JAK1: variants seen among roughly 807,000 people sequenced by gnomAD.
JAK1 encodes the protein Janus kinase 1.
In JAK1, 16 loss-of-function variants were observed where a neutral mutation model predicts 136.6. That is an observed-to-expected ratio of 0.12 (90% CI 0.08 to 0.18). The LOEUF is 0.18. Ranked by LOEUF, JAK1 falls within the 10% of genes least tolerant of loss-of-function variation. The pLI is 1.00. For missense variants in JAK1, 859 were observed against 1,450.1 expected (o/e 0.59, Z 6.62); for synonymous variants, 492 against 519.5 (o/e 0.95, Z 0.72).
intron 4 of JAK1, among the ~76,000 whole-genome samples, chr1:64,877,905 A>C (rs1402839702): frequency 6.6e-6 from 1 of 152,198 alleles, no homozygotes; most frequent in Non-Finnish European, 1.5e-5. Flanking sequence ...TCTCCAGGTG[A>C]GACTTTGGTT....
chr1:65,009,369 G>A (rs924266331), intron 2 of JAK1, among the ~76,000 whole-genome samples: 5 of 152,164 alleles, frequency 3.3e-5, no homozygotes, highest in African/African-American at 9.7e-5. Context: ...CTCTGGGGAA[G>A]GAAGTGGAAT....
chr1:64,870,778 C>T (rs986011075), intron 5 of JAK1, among the ~76,000 whole-genome samples: 5 of 152,156 alleles, frequency 3.3e-5, no homozygotes, highest in African/African-American at 1.2e-4. Context: ...TCCCGTTTCT[C>T]TTCTTTTCAC....
intron 1 of JAK1, among the ~76,000 whole-genome samples, chr1:64,911,094 A>AC (rs1645277531): frequency 6.6e-6 from 1 of 151,820 alleles, no homozygotes; most frequent in South Asian, 2.1e-4. Context: ...TGAAAAAAAA[A>AC]AACAATTATT....
chr1:64,899,346 T>A (rs1448864242), intron 1 of JAK1, among the ~76,000 whole-genome samples: 1 of 152,238 alleles, frequency 6.6e-6, no homozygotes, highest in Non-Finnish European at 1.5e-5. Context: ...TACTTCTTTT[T>A]AAATGTAAAT....
Position 64,834,190 on chromosome 1 carries a change from A to ATCT in JAK1, c.*369_*371dup. 1 of 250,284 alleles carries ATCT rather than the reference A, an allele frequency of 4.0e-6. No individual in the cohort carries two copies. Among genetic ancestry groups the ATCT allele is most frequent in the Admixed American group, 4.9e-5 (1 of 20,546 alleles). 15.5% of individuals were successfully genotyped at this position (250,284 alleles called of 1,614,324 possible). On this transcript the variant is annotated 3_prime_UTR_variant, in exon 25 of 25. Transcript: ENST00000342505. ...CAGCTGGCAGCAGGGAAAAGCAATCATCTTCAGATATTATTTTGGTCAACT... is the reference window on the plus strand; with the variant it reads ...CAGCTGGCAGCAGGGAAAAGCAATCATCTTCTTCAGATATTATTTTGGTCAACT...
rs2100999673 is a variant in JAK1 at position 64,845,494 on chromosome 1, G to A, written c.2115+19C>T. The A allele has an allele frequency of 6.2e-7, 1 of 1,613,974 alleles. No individual in the cohort carries two copies. Among genetic ancestry groups the A allele is most frequent in the Non-Finnish European group, 8.5e-7 (1 of 1,179,880 alleles). ...TCTGGTTTCTGGTGGGACCATTATG[G>A]ACATCAGGACATTCTCACCAAGTAG... On this transcript the variant is annotated intron_variant, in intron 15 of 24. Transcript: ENST00000342505.
At chr1:64,896,215 T>A (rs1570726491) in intron 1 of JAK1, among the ~76,000 whole-genome samples, 1 of 152,252 alleles carries the variant, frequency 6.6e-6, no homozygotes, top group East Asian at 1.9e-4. Context: ...TGAAGCACAG[T>A]CCAGAGCATG....
At chr1:65,015,264 G>C (rs145926140) in intron 2 of JAK1, among the ~76,000 whole-genome samples, 1 of 152,228 alleles carries the variant, frequency 6.6e-6, no homozygotes, top group East Asian at 1.9e-4. Flanking sequence ...TGTCATATGA[G>C]ATGAAAAAGT....
At chr1:64,952,089 G>T (rs915850668) in intron 1 of JAK1, among the ~76,000 whole-genome samples, 1 of 152,162 alleles carries the variant, frequency 6.6e-6, no homozygotes, top group Non-Finnish European at 1.5e-5. Context: ...AACACATAAA[G>T]TATCTGAAAC....
chr1:64,850,747 G>C, intron 12 of JAK1, 57 bp downstream of exon 12: 1 of 1,144,042 alleles, frequency 8.7e-7, no homozygotes, highest in South Asian at 1.2e-5. Flanking sequence ...TCCCCAAGCT[G>C]CTCCATCGTG....
chr1:65,010,671 C>T (rs574600092), intron 2 of JAK1, among the ~76,000 whole-genome samples: 3 of 152,236 alleles, frequency 2.0e-5, no homozygotes, highest in East Asian at 3.9e-4. Flanking sequence ...ATAACTAATA[C>T]AAATATTCTT....
chr1:64,857,631 G>A lies in JAK1; in HGVS notation c.1458+25C>T, dbSNP rs764407233. ...TGGACACCTCATGGCTGTATGGCCT[G>A]GTCCAAGCCAGTGTCCTGACTGACC... On this transcript the variant is annotated intron_variant, in intron 10 of 24. Transcript: ENST00000342505. The A allele has an allele frequency of 3.3e-5, 53 of 1,613,214 alleles. No individual in the cohort carries two copies. The East Asian group carries it at 1.2e-3, about 35-fold the overall frequency.
At position 64,883,276 on chromosome 1, in the gene JAK1, C is replaced by T. The variant is rs2101263575; in HGVS notation, c.205+1G>A. On this transcript the variant is annotated splice_donor_variant, in intron 3 of 24. Coordinates refer to ENST00000342505, the MANE Select transcript of JAK1 (RefSeq NM_002227.4). LOFTEE classifies it high-confidence loss of function. ...AGCCCTGGGCAGCTGCCAGTACTCA[C>T]GGCATGCCTGTGCAGCCCTGATGCA... 6.2e-7 allele frequency: 1 copy of T among 1,611,690 alleles called. No homozygotes were observed. The highest frequency in any genetic ancestry group is 8.5e-7 in the Non-Finnish European group (1 of 1,178,482).
intron 2 of JAK1, among the ~76,000 whole-genome samples, chr1:64,885,623 T>C (rs748541001): frequency 3.3e-5 from 5 of 151,834 alleles, no homozygotes; most frequent in Non-Finnish European, 7.4e-5. Context: ...CGTGGTGGCA[T>C]GCGCCTGTAA....
In JAK1 at chr1:64,839,436, G is replaced by C. The variant is rs1654748235; in HGVS notation, c.2842+167C>G. ...TGGCCTCCTCAGGAGCCCTGCAGCT[G>C]CTGAGGGATTTGACATATGACTTGG... On this transcript the variant is annotated intron_variant, in intron 20 of 24. Coordinates refer to ENST00000342505, the MANE Select transcript of JAK1 (RefSeq NM_002227.4). The C allele has an allele frequency of 6.9e-6, 4 of 578,358 alleles. No individual in the cohort carries two copies. The African/African-American group carries it at 7.6e-5, about 11-fold the overall frequency. 35.8% of individuals were successfully genotyped at this position (578,358 alleles called of 1,614,324 possible). A position where few individuals can be genotyped will look rare whatever the true frequency, so the allele number is the denominator to read the frequency against.
chr1:64,839,887 G>A (rs1654779432), intron 19 of JAK1, 92 bp from the exon 20 acceptor site: 2 of 1,093,018 alleles, frequency 1.8e-6, no homozygotes, highest in South Asian at 1.7e-5. Flanking sequence ...CCGTTCCCCT[G>A]AGGGCCAGGG....
At chr1:64,870,027 C>T (rs1656980534) in intron 5 of JAK1, among the ~76,000 whole-genome samples, 1 of 151,960 alleles carries the variant, frequency 6.6e-6, no homozygotes, top group Non-Finnish European at 1.5e-5. Context: ...TACCCCCCCA[C>T]TGATGGAGGT....
At chr1:64,979,485 G>A (rs1646525424) in intron 2 of JAK1, 1 of 152,208 alleles carries the variant, frequency 6.6e-6, no homozygotes, top group South Asian at 2.1e-4. Flanking sequence ...ATTCTGCTAG[G>A]AGAGTGATAC....
chr1:64,869,298 T>C lies in JAK1; in HGVS notation c.647+13A>G. ...TCCTCACAATCAATTCTTCAGCCAG[T>C]GGGAAGCTTTACCTGATGTCCTTGG... On this transcript the variant is annotated intron_variant, in intron 6 of 24. Transcript: ENST00000342505. 1 of 1,611,204 alleles carries C rather than the reference T, an allele frequency of 6.2e-7. No individual in the cohort carries two copies. Among genetic ancestry groups the C allele is most frequent in the East Asian group, 2.2e-5 (1 of 44,870 alleles).
Sources: allele counts gnomAD v4.1 joint callset (sites outside exome capture counted in the v4.1 genomes callset), GRCh38; gene constraint gnomAD v4.1.1; transcripts MANE v1.5; gene names NCBI Gene and HGNC (gene_info 2026-07-23, HGNC 2026-07-21).